USP33: variants seen among roughly 807,000 people sequenced by gnomAD.
USP33 encodes ubiquitin carboxyl-terminal hydrolase 33.
In USP33, 46 loss-of-function variants were observed where a neutral mutation model predicts 124.2. The observed-to-expected ratio is 0.37, with a 90% CI of 0.29 to 0.47. USP33 has a LOEUF of 0.47. Ranked by LOEUF, USP33 falls within the 20% of genes least tolerant of loss-of-function variation. The probability of loss-of-function intolerance (pLI) is 0.99; values close to 1 mark genes in which losing one functional copy is unlikely to be tolerated. For synonymous variants in USP33, 350 were observed against 352.3 expected (o/e 0.99, Z 0.07); for missense variants, 851 against 1,070.6 (o/e 0.79, Z 2.86).
At chr1:77,709,717 T>C (rs1034126562) in intron 21 of USP33, among the ~76,000 whole-genome samples, 1 of 151,620 alleles carries the variant, frequency 6.6e-6, no homozygotes. Context: ...GAGTAATCAA[T>C]AGATTGGAGT....
At chr1:77,731,150 T>C (rs1190725833) in intron 7 of USP33, among the ~76,000 whole-genome samples, 1 of 152,222 alleles carries the variant, frequency 6.6e-6, no homozygotes, top group Non-Finnish European at 1.5e-5. Flanking sequence ...CATTTCCCTA[T>C]ATACTTTTTT....
chr1:77,701,079 A>G (rs998713564), intron 22 of USP33, among the ~76,000 whole-genome samples: 4 of 152,226 alleles, frequency 2.6e-5, no homozygotes, highest in Non-Finnish European at 4.4e-5. Flanking sequence ...TGAATAAACC[A>G]TACTTTAAGC....
rs1025164787 is a variant in USP33, at chr1:77,723,442, A to C, written c.1278T>G (p.Ala426=). The part of the protein sequence containing the change: ...WPGLAPPHKK[A]QSASPKRKKQ... The stretch of plus-strand genomic sequence containing the variant: ...TTTTTCTCTTTGGAGATGCAGACTG[A>C]GCTAGGATTGAAAAACATTAAAAAA... The change falls in exon 12 of 24, where the codon GCT becomes GCG. Residue 426 remains alanine, a splice_region_variant and synonymous_variant. Coordinates refer to ENST00000370794, the MANE Select transcript of USP33 (RefSeq NM_201624.3). The C allele has an allele frequency of 1.3e-6, 2 of 1,588,718 alleles. No homozygotes were observed. Among genetic ancestry groups the C allele is most frequent in the African/African-American group, 2.7e-5 (2 of 73,710 alleles).
At chr1:77,733,405 GAA>G (rs761834657) in intron 7 of USP33, among the ~76,000 whole-genome samples, 1 of 140,028 alleles carries the variant, frequency 7.1e-6, no homozygotes, top group Non-Finnish European at 1.6e-5. Context: ...AAAAAAAAAA[GAA>G]AAAAAAAGTC....
At chr1:77,722,860 CT>C (rs1239996382) in intron 12 of USP33, among the ~76,000 whole-genome samples, 1 of 152,268 alleles carries the variant, frequency 6.6e-6, no homozygotes, top group South Asian at 2.1e-4. Context: ...TTAATGTATG[CT>C]TTGTTATTGT....
At chr1:77,750,624 A>AAAAGAAACAAAGAAAGAAAGAAAG (rs1469933007) in intron 1 of USP33, among the ~76,000 whole-genome samples, 16 of 123,386 alleles carry the variant, frequency 1.3e-4, no homozygotes, top group African/African-American at 4.7e-4. Flanking sequence ...CCTGACTTAA[A>AAAAGAAACAAAGAAAGAAAGAAAG]AAAGAAAGAA....
At position 77,722,290 on chromosome 1, in the gene USP33, T is replaced by G. The variant is rs1676649737; in HGVS notation, c.1390-94A>C. 14 of 1,197,748 alleles carry G rather than the reference T, an allele frequency of 1.2e-5. No individual in the cohort carries two copies. The South Asian group carries it at 2.6e-4, about 23-fold the overall frequency. The allele number at this position is 1,197,748 out of a possible 1,614,324, so 74.2% of individuals were successfully genotyped here. On this transcript the variant is annotated intron_variant, in intron 12 of 23. Coordinates refer to ENST00000370794, the MANE Select transcript of USP33 (RefSeq NM_201624.3). ...TAGACTCTAAAGATCAAAGCATGTT[T>G]AAATAAGCAAAAAAAACAAAAAACA...
At chr1:77,746,665 A>G (rs1006238605) in intron 1 of USP33, 2 of 152,256 alleles carry the variant, frequency 1.3e-5, no homozygotes, top group African/African-American at 4.8e-5. Flanking sequence ...GCAATACATC[A>G]AAAAGCTTAT....
intron 17 of USP33, among the ~76,000 whole-genome samples, chr1:77,716,575 G>T (rs1449010657): frequency 6.6e-6 from 1 of 152,112 alleles, no homozygotes; most frequent in East Asian, 1.9e-4. Context: ...ACCACTAGAG[G>T]GTAATTGATA....
chr1:77,699,417 C>G (rs952223466), intron 22 of USP33, among the ~76,000 whole-genome samples: 24 of 152,154 alleles, frequency 1.6e-4, no homozygotes, highest in African/African-American at 5.5e-4. Context: ...CTACTCAGGA[C>G]GCTGAGGCAG....
At chr1:77,749,065 C>G (rs750169635) in intron 1 of USP33, among the ~76,000 whole-genome samples, 10 of 152,122 alleles carry the variant, frequency 6.6e-5, no homozygotes, top group Non-Finnish European at 1.0e-4. Flanking sequence ...TGACATTTTG[C>G]TATAACAACA....
chr1:77,736,013 TG>T, intron 6 of USP33, 42 bp downstream of exon 6: 1 of 1,344,118 alleles, frequency 7.4e-7, no homozygotes, highest in East Asian at 2.4e-5. Flanking sequence ...TCTAAAGAAA[TG>T]GGCAGTGCCA....
Position 77,698,280 on chromosome 1 carries a change from G to A in USP33, c.2510-349C>T, listed in dbSNP as rs563277379. 2.6e-3 allele frequency among the ~76,000 whole-genome samples: 386 copies of A among 147,940 alleles called. 1 individual carries two copies. The highest frequency in any genetic ancestry group is 0.026 in the South Asian group (119 of 4,636). ...GTAGAGATGGGAGTTTCACCATGTT[G>A]GTCAGGCTGGTCTCGAACTCCTGAC... On this transcript the variant is annotated intron_variant, in intron 22 of 23. Coordinates refer to ENST00000370794, the MANE Select transcript of USP33 (RefSeq NM_201624.3).
chr1:77,747,272 G>C (rs565419643), intron 1 of USP33, among the ~76,000 whole-genome samples: 74 of 143,844 alleles, frequency 5.1e-4, no homozygotes, highest in African/African-American at 1.9e-3. Flanking sequence ...TAAAGAGATG[G>C]TGTCTTGTTC....
At chr1:77,741,466 T>C (rs1337834947) in intron 2 of USP33, 37 bp from the exon 3 acceptor site, 2 of 1,587,380 alleles carry the variant, frequency 1.3e-6, no homozygotes, top group Non-Finnish European at 1.7e-6. Context: ...ATTGGTTATA[T>C]TGACACAAAC....
intron 1 of USP33, among the ~76,000 whole-genome samples, chr1:77,745,035 CCAT>C (rs1477718894): frequency 6.6e-6 from 1 of 152,078 alleles, no homozygotes; most frequent in Non-Finnish European, 1.5e-5. Flanking sequence ...TTAAAGTCTC[CCAT>C]TATTATTGTG....
At chr1:77,711,932 G>T in intron 20 of USP33, 77 bp from the exon 21 acceptor site, 1 of 1,332,196 alleles carries the variant, frequency 7.5e-7, no homozygotes, top group Non-Finnish European at 1.0e-6. Flanking sequence ...CAAATACCCA[G>T]TAAAAATAAA....
chr1:77,719,926 C>T (rs1676368572), intron 15 of USP33, among the ~76,000 whole-genome samples: 1 of 150,770 alleles, frequency 6.6e-6, no homozygotes, highest in Non-Finnish European at 1.5e-5. Flanking sequence ...TTTTGGGAGG[C>T]CAATGTTGGC....
intron 15 of USP33, chr1:77,720,363 C>T: frequency 3.0e-6 from 3 of 985,308 alleles, no homozygotes; most frequent in Non-Finnish European, 3.6e-6. Flanking sequence ...AAGGAACAAT[C>T]CCCTTCCAAG....
Sources: gnomAD v4.1 joint callset for allele counts (sites outside exome capture counted in the v4.1 genomes callset) on GRCh38, gnomAD v4.1.1 for gene constraint, MANE v1.5 for transcripts, NCBI Gene and HGNC (gene_info 2026-07-23, HGNC 2026-07-21) for gene names.